TP53BP1: variants seen among roughly 807,000 people sequenced by gnomAD.
TP53BP1 encodes the protein tumor protein p53 binding protein 1, also known as TP53-binding protein 1.
TP53BP1 carries 61 observed loss-of-function variants against 200.8 expected under a neutral mutation model. The observed-to-expected ratio is 0.30, with a 90% CI of 0.25 to 0.38. The LOEUF (loss-of-function observed/expected upper bound fraction) is 0.38, where lower values mean the gene tolerates loss of function less well. TP53BP1 is among the 10% of genes least tolerant of loss of function. The probability of loss-of-function intolerance (pLI) is 1.00; values close to 1 mark genes in which losing one functional copy is unlikely to be tolerated. For missense variants in TP53BP1, 2,144 were observed against 2,371.9 expected (o/e 0.90, Z 2.00); for synonymous variants, 822 against 844.3 (o/e 0.97, Z 0.46).
chr15:43,499,025 A>AC (rs2079196100), intron 1 of TP53BP1, among the ~76,000 whole-genome samples: 1 of 151,822 alleles, frequency 6.6e-6, no homozygotes, highest in African/African-American at 2.4e-5. Flanking sequence ...ACAACAAAAA[A>AC]AAAAAAACAA....
At chr15:43,489,141 T>C (rs1426718802) in intron 4 of TP53BP1, among the ~76,000 whole-genome samples, 1 of 152,248 alleles carries the variant, frequency 6.6e-6, no homozygotes, top group African/African-American at 2.4e-5. Context: ...TTACGTTATA[T>C]ATATTTTTTC....
intron 11 of TP53BP1, among the ~76,000 whole-genome samples, chr15:43,458,677 G>C (rs949201392): frequency 2.0e-5 from 3 of 152,066 alleles, no homozygotes; most frequent in Non-Finnish European, 4.4e-5. Flanking sequence ...CTACTCGGGA[G>C]GCTGAGGCAG....
intron 23 of TP53BP1, among the ~76,000 whole-genome samples, chr15:43,413,807 C>T (rs2045194431): frequency 6.6e-6 from 1 of 151,268 alleles, no homozygotes; most frequent in Non-Finnish European, 1.5e-5. Flanking sequence ...AAACCCAACA[C>T]TTTTTTATTA....
chr15:43,477,901 G>T, intron 7 of TP53BP1, 142 bp from the exon 8 acceptor site: 3 of 604,252 alleles, frequency 5.0e-6, no homozygotes. Flanking sequence ...TATTAAAAAG[G>T]AAATAAACTA....
rs1490738713 is a variant in TP53BP1 at position 43,435,581 on chromosome 15, A to T, written c.3191+2743T>A. 2.0e-5 allele frequency among the ~76,000 whole-genome samples: 3 copies of T among 152,364 alleles called. No individual in the cohort carries two copies. In the East Asian group the frequency reaches 5.8e-4, roughly 29 times the overall value. On this transcript the variant is annotated intron_variant, in intron 16 of 27. Transcript: ENST00000382044. ...TTTCAGGATCATCTGATTCCCAAGAATATCAACAAGCTCACACTTATTCAG... is the reference window on the plus strand; with the variant it reads ...TTTCAGGATCATCTGATTCCCAAGATTATCAACAAGCTCACACTTATTCAG...
At chr15:43,420,974 T>C (rs1415157615) in intron 20 of TP53BP1, 51 bp downstream of exon 20, 1 of 1,572,994 alleles carries the variant, frequency 6.4e-7, no homozygotes, top group Non-Finnish European at 8.6e-7. Flanking sequence ...TCTCCTCCAT[T>C]CCCTTGTTTT....
At chr15:43,469,066 G>C (rs690446) in intron 11 of TP53BP1, among the ~76,000 whole-genome samples, 70,548 of 152,040 alleles carry the variant, frequency 0.46, 21,386 homozygotes, top group African/African-American at 0.87. Context: ...AAAATAAGTT[G>C]TCCCAATAAA....
chr15:43,448,892 G>C (rs28666488), intron 12 of TP53BP1, among the ~76,000 whole-genome samples: 43,024 of 152,112 alleles, frequency 0.28, 10,293 homozygotes, highest in African/African-American at 0.65. Context: ...TTTGGGAGAC[G>C]AAGGCGGATG....
chr15:43,455,917 T>A lies in TP53BP1; in HGVS notation c.2691A>T (p.Ser897=), dbSNP rs1331097523. The change falls in exon 12 of 28, where the codon TCA becomes TCT. Residue 897 remains serine (S), a synonymous_variant. Transcript: ENST00000382044. ...CACTAGAACTTTCACAGAAGCTTTG[T>A]GAGGCATGGGCAGAGGGCTTCCCCA... is the stretch of plus-strand genomic sequence containing the variant. ...QKLGKPSAHA[S]QSFCESSSET... 10 of 1,614,060 alleles carry A rather than the reference T, an allele frequency of 6.2e-6. No homozygotes were observed. The Admixed American group carries it at 8.3e-5, about 13-fold the overall frequency.
upstream of TP53BP1, among the ~76,000 whole-genome samples, chr15:43,493,826 T>G (rs2079161641): frequency 1.3e-5 from 2 of 152,220 alleles, no homozygotes; most frequent in South Asian, 4.1e-4. Flanking sequence ...GCCTTATCTT[T>G]TATGGGATTG....
chr15:43,433,721 A>G (rs2045724584), intron 16 of TP53BP1, among the ~76,000 whole-genome samples: 1 of 152,212 alleles, frequency 6.6e-6, no homozygotes, highest in African/African-American at 2.4e-5. Context: ...CACATCTGGA[A>G]TATCTGTTTC....
chr15:43,476,285 A>T (rs1648378702), intron 8 of TP53BP1, among the ~76,000 whole-genome samples: 1 of 152,192 alleles, frequency 6.6e-6, no homozygotes, highest in Non-Finnish European at 1.5e-5. Flanking sequence ...ATAAATAAAT[A>T]AAATAAAAGC....
chr15:43,471,791 A>G (rs1395396082), intron 10 of TP53BP1, among the ~76,000 whole-genome samples: 3 of 152,210 alleles, frequency 2.0e-5, no homozygotes, highest in Admixed American at 2.0e-4. Flanking sequence ...CAGATAAAAG[A>G]TAAAAGAAAC....
chr15:43,432,815 G>T, intron 16 of TP53BP1, 138 bp from the exon 17 acceptor site: 1 of 915,410 alleles, frequency 1.1e-6, no homozygotes, highest in Non-Finnish European at 1.6e-6. Context: ...AAGGAAGGGA[G>T]AAAGTCAGGT....
Position 43,407,311 on chromosome 15 carries a change from G to A in TP53BP1, c.*72C>T, listed in dbSNP as rs1312778429. 2.2e-6 allele frequency: 3 copies of A among 1,339,830 alleles called. No individual in the cohort carries two copies. In the Admixed American group the frequency reaches 5.4e-5, roughly 24 times the overall value. 83.0% of individuals were successfully genotyped at this position (1,339,830 alleles called of 1,614,324 possible). ...ATGCAAGGAATCCAGTTACACACAA[G>A]ACACATTTAAAACCTGGTTAAAACA... On this transcript the variant is annotated 3_prime_UTR_variant, in exon 28 of 28. Transcript: ENST00000382044.
chr15:43,414,852 T>C (rs1271596802), intron 23 of TP53BP1, among the ~76,000 whole-genome samples: 1 of 151,946 alleles, frequency 6.6e-6, no homozygotes, highest in African/African-American at 2.4e-5. Flanking sequence ...ACTACAGGCA[T>C]GTGCCACCAC....
intron 12 of TP53BP1, among the ~76,000 whole-genome samples, chr15:43,453,293 A>C (rs1312590837): frequency 1.3e-5 from 2 of 151,830 alleles, no homozygotes; most frequent in East Asian, 1.9e-4. Context: ...AGCAGTATTT[A>C]AACATAATAC....
chr15:43,472,244 G>T (rs553341857), intron 10 of TP53BP1, among the ~76,000 whole-genome samples: 2 of 152,308 alleles, frequency 1.3e-5, no homozygotes, highest in East Asian at 3.9e-4. Flanking sequence ...TAGGATGTTT[G>T]TGAGGATTCA....
At chr15:43,417,170 C>G (rs2045283966) in intron 21 of TP53BP1, 1 of 152,248 alleles carries the variant, frequency 6.6e-6, no homozygotes, top group South Asian at 2.1e-4. Context: ...CACACACATA[C>G]TATAGCTATA....
Sources: gnomAD v4.1 joint callset for allele counts (sites outside exome capture counted in the v4.1 genomes callset) on GRCh38, gnomAD v4.1.1 for gene constraint, MANE v1.5 for transcripts, NCBI Gene and HGNC (gene_info 2026-07-23, HGNC 2026-07-21) for gene names.